Variants in AGBL1 observed in about 807,000 individuals in gnomAD.
AGBL1 encodes the protein cytosolic carboxypeptidase 4.
AGBL1 carries 130 observed loss-of-function variants against 118.9 expected under a neutral mutation model. The ratio of observed to expected loss-of-function variants is 1.09; its 90% CI spans 0.95 to 1.26. The LOEUF (loss-of-function observed/expected upper bound fraction) is 1.26. AGBL1 is among the 50% of genes most tolerant of loss of function. The pLI, the probability that AGBL1 is intolerant of heterozygous loss-of-function variation, is 0.00. For synonymous variants in AGBL1, 555 were observed against 478.9 expected (o/e 1.16, Z -2.08); for missense variants, 1,584 against 1,298.1 (o/e 1.22, Z -3.38).
At chr15:86,504,749 T>A (rs2082955225) in intron 18 of AGBL1, among the ~76,000 whole-genome samples, 2 of 151,842 alleles carry the variant, frequency 1.3e-5, no homozygotes, top group East Asian at 3.9e-4. Context: ...TGTAGACACA[T>A]CAACACAGTT....
chr15:86,365,467 G>A (rs948584182), intron 17 of AGBL1, among the ~76,000 whole-genome samples: 1 of 152,076 alleles, frequency 6.6e-6, no homozygotes, highest in African/African-American at 2.4e-5. Context: ...CCAAGATGGA[G>A]GGGTGCAACT....
At chr15:86,939,875 T>A (rs1207878884) in intron 23 of AGBL1, 3 of 85,860 alleles carry the variant, frequency 3.5e-5, no homozygotes, top group African/African-American at 6.8e-5. Flanking sequence ...GTACGCTGTT[T>A]CTTTTTTTAT....
At chr15:86,655,796 A>G (rs1188286685) in intron 21 of AGBL1, among the ~76,000 whole-genome samples, 1 of 152,218 alleles carries the variant, frequency 6.6e-6, no homozygotes, top group Non-Finnish European at 1.5e-5. Context: ...GAGGAGAAAT[A>G]CCTGGGAGAG....
chr15:86,751,043 G>T (rs950656846), intron 22 of AGBL1, among the ~76,000 whole-genome samples: 1 of 152,176 alleles, frequency 6.6e-6, no homozygotes. Flanking sequence ...TCTATTGTCA[G>T]TAGGAATGTA....
intron 21 of AGBL1, among the ~76,000 whole-genome samples, chr15:86,663,286 C>T (rs1480010393): frequency 6.6e-6 from 1 of 152,222 alleles, no homozygotes; most frequent in African/African-American, 2.4e-5. Context: ...AGCTTCTGTT[C>T]TAATTGGTCG....
chr15:86,500,408 T>G (rs577321251), intron 18 of AGBL1, among the ~76,000 whole-genome samples: 2 of 151,886 alleles, frequency 1.3e-5, no homozygotes, highest in African/African-American at 4.8e-5. Flanking sequence ...GGTAGCCATA[T>G]GCTGAAAGAG....
intron 21 of AGBL1, among the ~76,000 whole-genome samples, chr15:86,572,492 G>A (rs1024595503): frequency 1.1e-4 from 17 of 152,156 alleles, no homozygotes; most frequent in Non-Finnish European, 2.2e-4. Flanking sequence ...TTGCCGGGGT[G>A]GCAGGCTCCA....
At chr15:86,386,643 C>G (rs537351997) in intron 17 of AGBL1, among the ~76,000 whole-genome samples, 1 of 151,974 alleles carries the variant, frequency 6.6e-6, no homozygotes, top group Non-Finnish European at 1.5e-5. Context: ...CCTCAAAGAG[C>G]CTTCTTTTCT....
chr15:86,273,073 A>G (rs2079187190), intron 15 of AGBL1, among the ~76,000 whole-genome samples: 1 of 152,268 alleles, frequency 6.6e-6, no homozygotes, highest in Admixed American at 6.5e-5. Flanking sequence ...TGAAAGACCC[A>G]GCTTAGAGCT....
At chr15:86,557,300 C>T (rs1001643171) in intron 21 of AGBL1, among the ~76,000 whole-genome samples, 1 of 152,152 alleles carries the variant, frequency 6.6e-6, no homozygotes, top group Non-Finnish European at 1.5e-5. Flanking sequence ...TCCATGTGGA[C>T]AGCTGTGGGC....
intron 21 of AGBL1, among the ~76,000 whole-genome samples, chr15:86,564,174 T>C (rs1294182743): frequency 6.6e-6 from 1 of 152,240 alleles, no homozygotes; most frequent in Admixed American, 6.5e-5. Context: ...CCTGTCATTA[T>C]AATGTTAACT....
intron 18 of AGBL1, among the ~76,000 whole-genome samples, chr15:86,406,687 T>C (rs2142003699): frequency 6.6e-6 from 1 of 152,340 alleles, no homozygotes; most frequent in South Asian, 2.1e-4. Flanking sequence ...TGTCTATAAA[T>C]TGACAGCTTT....
chr15:86,822,709 A>G (rs192147798), intron 22 of AGBL1, among the ~76,000 whole-genome samples: 1 of 152,294 alleles, frequency 6.6e-6, no homozygotes, highest in Non-Finnish European at 1.5e-5. Flanking sequence ...GTAAACATCT[A>G]ACAGGGACTT....
chr15:86,532,416 C>T (rs1478411803), intron 19 of AGBL1, among the ~76,000 whole-genome samples: 1 of 135,350 alleles, frequency 7.4e-6, no homozygotes, highest in African/African-American at 2.9e-5. Context: ...ATGTGAAGGA[C>T]CTCTTCAAGG....
chr15:86,229,026 G>T (rs2078412253), intron 6 of AGBL1, among the ~76,000 whole-genome samples: 1 of 151,960 alleles, frequency 6.6e-6, no homozygotes, highest in Non-Finnish European at 1.5e-5. Context: ...ACCCTAAATT[G>T]TCCTGTATTG....
intron 21 of AGBL1, among the ~76,000 whole-genome samples, chr15:86,579,206 C>G (rs763489214): frequency 7.3e-4 from 111 of 152,264 alleles, no homozygotes; most frequent in Admixed American, 2.2e-3. Flanking sequence ...GCAGTTATTG[C>G]ATTACGTTGC....
intron 5 of AGBL1, among the ~76,000 whole-genome samples, chr15:86,215,802 T>A (rs920161876): frequency 3.9e-5 from 6 of 152,230 alleles, no homozygotes; most frequent in Admixed American, 6.5e-5. Flanking sequence ...ATCACTCCAA[T>A]TGTACCATGA....
chr15:86,436,345 A>T (rs1042929758), intron 18 of AGBL1, among the ~76,000 whole-genome samples: 1 of 152,104 alleles, frequency 6.6e-6, no homozygotes, highest in African/African-American at 2.4e-5. Context: ...GATTGAAAAT[A>T]AATAATGAAA....
chr15:86,502,137 G>A (rs1182798611), intron 18 of AGBL1, among the ~76,000 whole-genome samples: 1 of 151,392 alleles, frequency 6.6e-6, no homozygotes. Flanking sequence ...GTCTTTTGTG[G>A]TGTAAAAACC....
Sources: gnomAD v4.1 joint callset for allele counts (sites outside exome capture counted in the v4.1 genomes callset) on GRCh38, gnomAD v4.1.1 for gene constraint, MANE v1.5 for transcripts, NCBI Gene and HGNC (gene_info 2026-07-23, HGNC 2026-07-21) for gene names.